Variants in INTU observed in about 807,000 individuals in gnomAD.
INTU encodes protein inturned.
In INTU, 68 loss-of-function variants were observed where a neutral mutation model predicts 100.5. The observed-to-expected ratio is 0.68, with a 90% CI of 0.56 to 0.83. The LOEUF (loss-of-function observed/expected upper bound fraction) is 0.83, where lower values mean the gene tolerates loss of function less well. INTU is among the 40% of genes least tolerant of loss of function. The pLI, the probability that INTU is intolerant of heterozygous loss-of-function variation, is 0.00. For synonymous variants in INTU, 357 were observed against 395.7 expected (o/e 0.90, Z 1.16); for missense variants, 1,071 against 1,114.7 (o/e 0.96, Z 0.56).
In INTU at chr4:127,663,591, GTCC is replaced by G; in HGVS notation, c.972+10_972+12del. On this transcript the variant is annotated splice_region_variant and intron_variant, in intron 4 of 15. Transcript: ENST00000335251. ...AGAAACCTCAAAGGAAGAGGTGAGT[GTCC>G]TCAAAAGTCCAAAGGAAATAAGTTT... 1 of 1,608,970 alleles carries G rather than the reference GTCC, an allele frequency of 6.2e-7. No individual in the cohort carries two copies.
At chr4:127,676,318 G>T (rs1729177140) in intron 6 of INTU, among the ~76,000 whole-genome samples, 1 of 152,146 alleles carries the variant, frequency 6.6e-6, no homozygotes, top group Non-Finnish European at 1.5e-5. Context: ...CCAGGCAGTG[G>T]CTCACACCTA....
At chr4:127,680,112 A>G (rs929374413) in intron 6 of INTU, among the ~76,000 whole-genome samples, 3 of 152,198 alleles carry the variant, frequency 2.0e-5, no homozygotes, top group African/African-American at 7.2e-5. Context: ...GCAATAATCA[A>G]TAGCTTACCA....
chr4:127,688,647 G>A (rs1321836591), intron 8 of INTU, among the ~76,000 whole-genome samples: 7 of 152,130 alleles, frequency 4.6e-5, no homozygotes, highest in Non-Finnish European at 4.4e-5. Flanking sequence ...CAGCTTAATA[G>A]TTATTTAAAT....
At chr4:127,701,303 G>T (rs1307299739) in intron 9 of INTU, among the ~76,000 whole-genome samples, 3 of 152,146 alleles carry the variant, frequency 2.0e-5, no homozygotes, top group Non-Finnish European at 4.4e-5. Flanking sequence ...TGGGGGAGAA[G>T]GGAGAGAAGT....
chr4:127,671,370 AT>A (rs1728919043), intron 5 of INTU, among the ~76,000 whole-genome samples: 2 of 152,132 alleles, frequency 1.3e-5, no homozygotes, highest in Admixed American at 1.3e-4. Context: ...AAAAATGCTC[AT>A]CACTAATCAT....
intron 4 of INTU, among the ~76,000 whole-genome samples, chr4:127,665,524 T>C (rs1728659463): frequency 6.6e-6 from 1 of 152,156 alleles, no homozygotes; most frequent in South Asian, 2.1e-4. Flanking sequence ...AAAGGTAGCT[T>C]GATAATTCTA....
In INTU at chr4:127,706,721, C is replaced by T; in HGVS notation, c.2023C>T (p.Pro675Ser). The change falls in exon 12 of 16, where the codon CCT (proline) becomes TCT (serine). Residue 675 changes from proline to serine, a missense_variant. By Grantham distance (74) the Pro-to-Ser change is moderately conservative (BLOSUM62 -1). Transcript: ENST00000335251. ...REKTDSLTTS[P>S]ILSRLQGTSK... Reference sequence around the variant, plus strand: ...AAAAACAGATAGCTTGACCACTTCGCCTATTCTCAGTAGGCTACAAGGTAC... The same window carrying T: ...AAAAACAGATAGCTTGACCACTTCGTCTATTCTCAGTAGGCTACAAGGTAC... 6.2e-7 allele frequency: 1 copy of T among 1,614,090 alleles called. No homozygotes were observed. The highest frequency in any genetic ancestry group is 8.5e-7 in the Non-Finnish European group (1 of 1,179,982).
intron 8 of INTU, among the ~76,000 whole-genome samples, chr4:127,690,595 A>T (rs1730071753): frequency 6.6e-6 from 1 of 152,220 alleles, no homozygotes; most frequent in Non-Finnish European, 1.5e-5. Context: ...TTGGGAAGAG[A>T]GCTAGATACC....
intron 8 of INTU, among the ~76,000 whole-genome samples, chr4:127,697,123 G>A (rs1730426647): frequency 6.6e-6 from 1 of 152,114 alleles, no homozygotes; most frequent in Non-Finnish European, 1.5e-5. Context: ...TTTCCTTAAT[G>A]GCTTCATTGA....
In INTU at chr4:127,726,039, C is replaced by T. The variant is rs1041887277; in HGVS notation, c.*9603C>T. Reference sequence around the variant, plus strand: ...GTATGCAAATGTTCCCTTCCACCAACAACTATTAATGTGAAAAACTATATA... The same window carrying T: ...GTATGCAAATGTTCCCTTCCACCAATAACTATTAATGTGAAAAACTATATA... On this transcript the variant is annotated 3_prime_UTR_variant, in exon 16 of 16. Coordinates refer to ENST00000335251, the MANE Select transcript of INTU (RefSeq NM_015693.4). 2.0e-5 allele frequency: 3 copies of T among 152,290 alleles called. No individual in the cohort carries two copies. Among genetic ancestry groups the T allele is most frequent in the African/African-American group, 2.4e-5 (1 of 41,562 alleles). The allele number at this position is 152,290 out of a possible 1,614,324, so 9.4% of individuals were successfully genotyped here.
chr4:127,642,716 G>A (rs966672326), intron 1 of INTU, among the ~76,000 whole-genome samples: 5 of 151,516 alleles, frequency 3.3e-5, no homozygotes, highest in African/African-American at 1.2e-4. Flanking sequence ...GTTTAGGTTT[G>A]TTACCATGAG....
rs1244011985 is a variant in INTU at position 127,716,942 on chromosome 4, T to C, written c.*506T>C. 1.3e-5 allele frequency: 2 copies of C among 152,140 alleles called. No homozygotes were observed. The highest frequency in any genetic ancestry group is 1.3e-4 in the Admixed American group (2 of 15,280). 9.4% of individuals were successfully genotyped at this position (152,140 alleles called of 1,614,324 possible). ...GAGTTTTCATGTAAAATGAGATGAT[T>C]GCATTGAGGTTTCAAAAATACCTCT... On this transcript the variant is annotated 3_prime_UTR_variant, in exon 16 of 16. Coordinates refer to ENST00000335251, the MANE Select transcript of INTU (RefSeq NM_015693.4).
In INTU at chr4:127,703,568, T is replaced by G. The variant is rs182335251; in HGVS notation, c.1504-660T>G. On this transcript the variant is annotated intron_variant, in intron 9 of 15. Coordinates refer to ENST00000335251, the MANE Select transcript of INTU (RefSeq NM_015693.4). ...TATTTTGTTCTGCAGCTTGCCTTCTTTGCTGAGCAGTGTATCCTAAAACCT... is the reference window on the plus strand; with the variant it reads ...TATTTTGTTCTGCAGCTTGCCTTCTGTGCTGAGCAGTGTATCCTAAAACCT... Among the ~76,000 whole-genome samples, 158 of 152,300 alleles carry G rather than the reference T, an allele frequency of 1.0e-3. 1 individual carries two copies. Among genetic ancestry groups the G allele is most frequent in the African/African-American group, 3.5e-3 (144 of 41,564 alleles).
chr4:127,649,703 A>G (rs1727750816), intron 2 of INTU, among the ~76,000 whole-genome samples: 1 of 152,086 alleles, frequency 6.6e-6, no homozygotes, highest in Non-Finnish European at 1.5e-5. Flanking sequence ...TTTATTATCC[A>G]TCTTCCCCAA....
chr4:127,637,390 T>C (rs1727119419), intron 1 of INTU, among the ~76,000 whole-genome samples: 1 of 152,248 alleles, frequency 6.6e-6, no homozygotes, highest in South Asian at 2.1e-4. Flanking sequence ...AAGTCTTTCT[T>C]GTCTCATTTC....
chr4:127,712,823 G>A (rs894004317), intron 14 of INTU, among the ~76,000 whole-genome samples: 3 of 152,226 alleles, frequency 2.0e-5, no homozygotes, highest in African/African-American at 7.2e-5. Context: ...TCTGCCTCCT[G>A]TCAGGTCAGC....
intron 11 of INTU, 43 bp from the exon 12 acceptor site, chr4:127,706,444 T>C: frequency 6.6e-7 from 1 of 1,504,854 alleles, no homozygotes; most frequent in Admixed American, 1.9e-5. Context: ...TGTAAATATT[T>C]TCATGGTAGC....
Position 127,644,054 on chromosome 4 carries a change from T to C in INTU, c.680T>C (p.Ile227Thr). The part of the protein sequence containing the change: ...GSAMKSGQVL[I>T]GDVLVAVNDV... ...GCTATGAAGAGCGGTCAGGTACTCA[T>C]TGGTAAGTGTTGCTGGTACACATCC... Residue 227 changes from isoleucine (I) to threonine (T), a missense_variant and splice_region_variant, in exon 2 of 16, where the codon ATT (isoleucine) becomes ACT (threonine). By Grantham distance (89) the Ile-to-Thr change is moderately conservative (BLOSUM62 -1). Transcript: ENST00000335251. The C allele has an allele frequency of 1.2e-6, 2 of 1,609,890 alleles. No individual in the cohort carries two copies. The highest frequency in any genetic ancestry group is 1.7e-5 in the Admixed American group (1 of 59,800).
chr4:127,651,409 A>C (rs1471290045), intron 2 of INTU, among the ~76,000 whole-genome samples: 6 of 152,214 alleles, frequency 3.9e-5, no homozygotes, highest in African/African-American at 1.4e-4. Context: ...GGTGTAAGGA[A>C]GGGATCCAGT....
Sources: gnomAD v4.1 joint callset for allele counts (sites outside exome capture counted in the v4.1 genomes callset) on GRCh38, gnomAD v4.1.1 for gene constraint, MANE v1.5 for transcripts, NCBI Gene and HGNC (gene_info 2026-07-23, HGNC 2026-07-21) for gene names.